Variants in SLIT2 observed in about 807,000 individuals in gnomAD.
SLIT2 encodes the protein slit guidance ligand 2.
A neutral mutation model predicts 185.7 loss-of-function variants in SLIT2; 41 were observed. That is an observed-to-expected ratio of 0.22 (90% CI 0.17 to 0.29). SLIT2 has a LOEUF of 0.29. Among genes scored for constraint, SLIT2 ranks in the 10% least tolerant of loss-of-function variants. The pLI is 1.00. For missense variants in SLIT2, 1,571 were observed against 1,909.0 expected (o/e 0.82, Z 3.30); for synonymous variants, 693 against 680.2 (o/e 1.02, Z -0.29).
intron 15 of SLIT2, among the ~76,000 whole-genome samples, chr4:20,527,563 G>A (rs1311747025): frequency 1.3e-5 from 2 of 152,090 alleles, no homozygotes; most frequent in East Asian, 1.9e-4. Flanking sequence ...AGTATTACAG[G>A]CGTGAGCCAC....
chr4:20,320,091 A>T (rs1408655737), intron 4 of SLIT2, among the ~76,000 whole-genome samples: 1 of 152,172 alleles, frequency 6.6e-6, no homozygotes, highest in Non-Finnish European at 1.5e-5. Context: ...GTGTGTAGTC[A>T]CACACAATTC....
chr4:20,385,719 G>A (rs1174969550), intron 4 of SLIT2, among the ~76,000 whole-genome samples: 1 of 152,106 alleles, frequency 6.6e-6, no homozygotes, highest in Non-Finnish European at 1.5e-5. Flanking sequence ...TTAAAATTCA[G>A]GATCTCTGAT....
In SLIT2 at chr4:20,531,969, T is replaced by G. The variant is rs769726521; in HGVS notation, c.1614-15T>G. ...ATTGGTAATAAAACTTCTCTATTCC[T>G]TCTTTTTTCTTCAGGCGTCTCAATA... On this transcript the variant is annotated splice_polypyrimidine_tract_variant and intron_variant, in intron 16 of 36. Transcript: ENST00000504154. The G allele has an allele frequency of 6.6e-7, 1 of 1,515,822 alleles. No homozygotes were observed. The highest frequency in any genetic ancestry group is 1.2e-5 in the South Asian group (1 of 80,382). The allele number at this position is 1,515,822 out of a possible 1,614,324, so 93.9% of individuals were successfully genotyped here.
chr4:20,480,595 G>A, intron 5 of SLIT2, 121 bp from the exon 6 acceptor site: 3 of 669,196 alleles, frequency 4.5e-6, no homozygotes, highest in Middle Eastern at 3.7e-4. Flanking sequence ...AGATGAGTGT[G>A]TTTGTGAGGG....
intron 9 of SLIT2, among the ~76,000 whole-genome samples, chr4:20,494,479 A>G (rs192204545): frequency 1.3e-4 from 20 of 152,318 alleles, no homozygotes; most frequent in Admixed American, 9.8e-4. Flanking sequence ...TGACACATTT[A>G]TAAGTACAAA....
intron 9 of SLIT2, among the ~76,000 whole-genome samples, chr4:20,508,684 T>C (rs983718760): frequency 6.6e-6 from 1 of 152,248 alleles, no homozygotes; most frequent in East Asian, 1.9e-4. Flanking sequence ...TAAAACTCCC[T>C]GATCTGAGTA....
At chr4:20,402,537 C>A (rs1009782377) in intron 4 of SLIT2, among the ~76,000 whole-genome samples, 1 of 151,412 alleles carries the variant, frequency 6.6e-6, no homozygotes, top group African/African-American at 2.4e-5. Context: ...ACCTATTCAG[C>A]CTAAAGAAAT....
chr4:20,590,915 C>G (rs550291135), intron 30 of SLIT2, among the ~76,000 whole-genome samples: 54 of 152,266 alleles, frequency 3.5e-4, no homozygotes, highest in African/African-American at 1.2e-3. Flanking sequence ...GATTTTTCTA[C>G]TATGTGTTAC....
At chr4:20,298,679 T>A in intron 4 of SLIT2, among the ~76,000 whole-genome samples, 1 of 152,200 alleles carries the variant, frequency 6.6e-6, no homozygotes, top group Non-Finnish European at 1.5e-5. Flanking sequence ...ACAGTTAAAA[T>A]GATTTACTAA....
intron 4 of SLIT2, among the ~76,000 whole-genome samples, chr4:20,365,482 A>T (rs1448801936): frequency 6.6e-6 from 1 of 152,062 alleles, no homozygotes; most frequent in Non-Finnish European, 1.5e-5. Context: ...CAAAAAAGAG[A>T]TGTGGAATGG....
chr4:20,543,133 A>G (rs16869751), intron 21 of SLIT2, among the ~76,000 whole-genome samples: 4 of 151,716 alleles, frequency 2.6e-5, no homozygotes, highest in South Asian at 2.1e-4. Flanking sequence ...ATAAATAACT[A>G]TCTGGTATAT....
At chr4:20,281,208 A>G (rs1484696392) in intron 4 of SLIT2, among the ~76,000 whole-genome samples, 1 of 152,232 alleles carries the variant, frequency 6.6e-6, no homozygotes, top group Non-Finnish European at 1.5e-5. Context: ...ATAATCTCTC[A>G]ATATGAGGTA....
At chr4:20,565,003 T>C (rs891376698) in intron 26 of SLIT2, among the ~76,000 whole-genome samples, 1 of 151,984 alleles carries the variant, frequency 6.6e-6, no homozygotes, top group African/African-American at 2.4e-5. Context: ...CATGAACTAC[T>C]TCAGCCAGGC....
chr4:20,315,642 G>GA (rs1334529762), intron 4 of SLIT2, among the ~76,000 whole-genome samples: 2 of 151,908 alleles, frequency 1.3e-5, no homozygotes, highest in African/African-American at 4.8e-5. Flanking sequence ...TATCAGAAAG[G>GA]AAAAAACATA....
intron 33 of SLIT2, among the ~76,000 whole-genome samples, chr4:20,599,273 C>CTA (rs1728229480): frequency 1.4e-5 from 2 of 142,544 alleles, no homozygotes; most frequent in African/African-American, 2.5e-5. Flanking sequence ...TTGCATAAGA[C>CTA]TAACTATCAG....
chr4:20,522,779 C>T (rs1720948035), intron 12 of SLIT2, among the ~76,000 whole-genome samples: 1 of 152,020 alleles, frequency 6.6e-6, no homozygotes, highest in Admixed American at 6.6e-5. Flanking sequence ...ATGTGACTCT[C>T]CAAGAGGGTT....
chr4:20,462,580 A>T (rs1713850042), intron 4 of SLIT2, among the ~76,000 whole-genome samples: 1 of 152,156 alleles, frequency 6.6e-6, no homozygotes, highest in African/African-American at 2.4e-5. Context: ...AGTGTTCTCT[A>T]AAAACATTGC....
intron 4 of SLIT2, among the ~76,000 whole-genome samples, chr4:20,374,902 G>A (rs868528849): frequency 1.3e-5 from 2 of 152,046 alleles, no homozygotes; most frequent in South Asian, 4.1e-4. Context: ...AACCACAAAT[G>A]TCAATAAGTC....
intron 11 of SLIT2, among the ~76,000 whole-genome samples, chr4:20,516,491 G>C (rs958553911): frequency 1.3e-5 from 2 of 152,084 alleles, no homozygotes; most frequent in Non-Finnish European, 2.9e-5. Flanking sequence ...CTTTTCAGCT[G>C]ATACCACTTT....
Sources: gnomAD v4.1 joint callset for allele counts (sites outside exome capture counted in the v4.1 genomes callset) on GRCh38, gnomAD v4.1.1 for gene constraint, MANE v1.5 for transcripts, NCBI Gene and HGNC (gene_info 2026-07-23, HGNC 2026-07-21) for gene names.